Variants in HHLA2 observed in about 807,000 individuals in gnomAD.
The protein encoded by HHLA2 is HERV-H LTR-associating protein 2.
HHLA2 carries 48 observed loss-of-function variants against 45.9 expected under a neutral mutation model. The observed-to-expected ratio is 1.05, with a 90% CI of 0.83 to 1.33. The LOEUF is 1.33. Ranked by LOEUF, HHLA2 falls within the 40% of genes most tolerant of loss-of-function variation. The pLI is 0.00. For synonymous variants in HHLA2, 161 were observed against 173.9 expected, an observed-to-expected ratio of 0.93 and a Z score of 0.59; for missense variants, 462 against 494.3, an observed-to-expected ratio of 0.93 and a Z score of 0.62.
At chr3:108,344,193 A>ATT (rs5851588) in intron 3 of HHLA2, among the ~76,000 whole-genome samples, 242 of 150,714 alleles carry the variant, frequency 1.6e-3, no homozygotes, top group African/African-American at 3.0e-3. Context: ...CCACTGTTTG[A>ATT]TTTTTTTTTT....
chr3:108,328,566 A>G (rs573031448), intron 3 of HHLA2, among the ~76,000 whole-genome samples: 3 of 152,312 alleles, frequency 2.0e-5, no homozygotes, highest in Middle Eastern at 3.4e-3. Flanking sequence ...ACAGCTTTAA[A>G]TAGACCTGGG....
intron 2 of HHLA2, among the ~76,000 whole-genome samples, chr3:108,320,089 G>A (rs1339163432): frequency 6.6e-6 from 1 of 152,148 alleles, no homozygotes; most frequent in African/African-American, 2.4e-5. Flanking sequence ...GGGCTCCTAA[G>A]TTTTCACTGT....
rs774696499 is a variant in HHLA2, at chr3:108,353,750, AT to A, written c.390del (p.Thr131GlnfsTer6). The stretch of plus-strand genomic sequence containing the variant: ...CTATGTAGGAACAGCAATTCAAGTG[AT>A]TACAAACAAAGTGGTGCTAAAGGTG... On this transcript the variant is annotated frameshift_variant, in exon 5 of 11. Transcript: ENST00000619531. LOFTEE classifies it high-confidence loss of function. 1 of 1,612,140 alleles carries A rather than the reference AT, an allele frequency of 6.2e-7. No individual in the cohort carries two copies. Among genetic ancestry groups the A allele is most frequent in the East Asian group, 2.2e-5 (1 of 44,808 alleles).
At chr3:108,346,948 TTTC>T (rs1419962432) in intron 3 of HHLA2, among the ~76,000 whole-genome samples, 1 of 152,180 alleles carries the variant, frequency 6.6e-6, no homozygotes, top group Non-Finnish European at 1.5e-5. Context: ...AGCATATGGA[TTTC>T]TTTTTTGCCA....
chr3:108,348,168 C>T (rs1467569557), intron 3 of HHLA2, among the ~76,000 whole-genome samples: 1 of 151,710 alleles, frequency 6.6e-6, no homozygotes, highest in Non-Finnish European at 1.5e-5. Flanking sequence ...CATATTTCCA[C>T]ATAAATAGGG....
intron 8 of HHLA2, among the ~76,000 whole-genome samples, chr3:108,364,434 C>T (rs952684224): frequency 2.6e-5 from 4 of 152,094 alleles, no homozygotes; most frequent in Admixed American, 6.6e-5. Context: ...TGCTATTGTG[C>T]ATAGTGCTGC....
intron 2 of HHLA2, among the ~76,000 whole-genome samples, chr3:108,322,428 T>C (rs2107348690): frequency 1.3e-5 from 2 of 152,300 alleles, no homozygotes; most frequent in South Asian, 4.1e-4. Flanking sequence ...GGGTTTAACT[T>C]CTTAAATCGT....
intron 2 of HHLA2, among the ~76,000 whole-genome samples, chr3:108,317,820 G>A (rs954237978): frequency 1.4e-4 from 21 of 152,088 alleles, no homozygotes; most frequent in African/African-American, 4.1e-4. Flanking sequence ...TGATCCGCCC[G>A]CCTCAGCCTC....
At chr3:108,342,259 C>CTTTTTT (rs58477416) in intron 3 of HHLA2, among the ~76,000 whole-genome samples, 2 of 108,088 alleles carry the variant, frequency 1.9e-5, no homozygotes, top group Non-Finnish European at 1.8e-5. Flanking sequence ...TTCTTTCTCT[C>CTTTTTT]TTTTTTTTTT....
chr3:108,308,898 T>C (rs957065450), intron 1 of HHLA2, among the ~76,000 whole-genome samples: 3 of 152,254 alleles, frequency 2.0e-5, no homozygotes, highest in African/African-American at 7.2e-5. Flanking sequence ...CCTTATATAG[T>C]CTGGTGATGA....
intron 3 of HHLA2, among the ~76,000 whole-genome samples, chr3:108,343,837 T>A (rs1411253713): frequency 6.6e-6 from 1 of 152,064 alleles, no homozygotes; most frequent in African/African-American, 2.4e-5. Flanking sequence ...ATATCAGGAG[T>A]AGGTGATAAA....
At chr3:108,330,873 C>T (rs372939740) in intron 3 of HHLA2, among the ~76,000 whole-genome samples, 29 of 152,138 alleles carry the variant, frequency 1.9e-4, no homozygotes, top group Admixed American at 1.6e-3. Flanking sequence ...TAGGGCATTT[C>T]GTTATTCAGC....
intron 7 of HHLA2, 86 bp from the exon 7 acceptor site, chr3:108,362,256 A>G: frequency 1.1e-6 from 1 of 912,674 alleles, no homozygotes; most frequent in South Asian, 1.5e-5. Context: ...AATAGTAAAC[A>G]TACTCCACCC....
At chr3:108,325,315 A>G (rs1270773693) in intron 2 of HHLA2, among the ~76,000 whole-genome samples, 1 of 152,240 alleles carries the variant, frequency 6.6e-6, no homozygotes, top group Non-Finnish European at 1.5e-5. Flanking sequence ...CTCTAATGCA[A>G]TTAGTCACAA....
intron 2 of HHLA2, among the ~76,000 whole-genome samples, chr3:108,327,148 A>G (rs1319508135): frequency 6.6e-6 from 1 of 152,026 alleles, no homozygotes; most frequent in Non-Finnish European, 1.5e-5. Flanking sequence ...CTTAGAATAA[A>G]TTTTTCTCTC....
At chr3:108,337,793 C>T (rs904191722) in intron 3 of HHLA2, among the ~76,000 whole-genome samples, 5 of 152,048 alleles carry the variant, frequency 3.3e-5, no homozygotes, top group Non-Finnish European at 7.3e-5. Context: ...GGCCTTTGCT[C>T]TTTTTGGTGC....
chr3:108,311,638 A>G (rs769171744), intron 2 of HHLA2: 5 of 152,116 alleles, frequency 3.3e-5, no homozygotes, highest in Non-Finnish European at 5.9e-5. Flanking sequence ...TGTAGCTTTC[A>G]AGGTTGGTCT....
chr3:108,350,911 C>T (rs1217834596), intron 3 of HHLA2, among the ~76,000 whole-genome samples: 1 of 151,840 alleles, frequency 6.6e-6, no homozygotes, highest in African/African-American at 2.4e-5. Context: ...TCTTGAACTC[C>T]TGACCTCAAG....
At chr3:108,364,431 G>A (rs2082030022) in intron 8 of HHLA2, among the ~76,000 whole-genome samples, 1 of 152,070 alleles carries the variant, frequency 6.6e-6, no homozygotes, top group Admixed American at 6.5e-5. Flanking sequence ...CTTTGCTATT[G>A]TGCATAGTGC....
Sources: gnomAD v4.1 joint callset for allele counts (sites outside exome capture counted in the v4.1 genomes callset) on GRCh38, gnomAD v4.1.1 for gene constraint, MANE v1.5 for transcripts, NCBI Gene and HGNC (gene_info 2026-07-23, HGNC 2026-07-21) for gene names.